Variants in ABHD17B observed in about 807,000 individuals in gnomAD.
ABHD17B encodes alpha/beta hydrolase domain-containing protein 17B.
ABHD17B carries 9 observed loss-of-function variants against 26.2 expected under a neutral mutation model. The ratio of observed to expected loss-of-function variants is 0.34; its 90% CI spans 0.21 to 0.60. The LOEUF is 0.60. Ranked by LOEUF, ABHD17B falls within the 20% of genes least tolerant of loss-of-function variation. The probability of loss-of-function intolerance (pLI) is 0.80; values close to 1 mark genes in which losing one functional copy is unlikely to be tolerated. For synonymous variants in ABHD17B, 127 were observed against 122.3 expected (o/e 1.04, Z -0.25); for missense variants, 224 against 352.1 (o/e 0.64, Z 2.91).
At chr9:71,905,667 A>T (rs371182435) in intron 1 of ABHD17B, among the ~76,000 whole-genome samples, 8 of 152,302 alleles carry the variant, frequency 5.3e-5, no homozygotes, top group Admixed American at 2.0e-4. Context: ...TTTGGCTACT[A>T]TAATGAATGA....
intron 1 of ABHD17B, among the ~76,000 whole-genome samples, chr9:71,904,636 T>C (rs1170388702): frequency 6.6e-6 from 1 of 152,136 alleles, no homozygotes; most frequent in Non-Finnish European, 1.5e-5. Context: ...TACTCACATT[T>C]GATGATGCTG....
chr9:71,906,281 TTC>T (rs745329013), intron 1 of ABHD17B, among the ~76,000 whole-genome samples: 34 of 152,328 alleles, frequency 2.2e-4, no homozygotes, highest in South Asian at 1.0e-3. Flanking sequence ...GCACTTTTAT[TTC>T]TGTTTAAACT....
intron 1 of ABHD17B, among the ~76,000 whole-genome samples, chr9:71,904,642 T>A (rs1564075266): frequency 2.0e-5 from 3 of 152,144 alleles, no homozygotes; most frequent in African/African-American, 7.2e-5. Flanking sequence ...CATTTGATGA[T>A]GCTGTAGTGG....
At chr9:71,879,349 G>A (rs547720725) in intron 1 of ABHD17B, among the ~76,000 whole-genome samples, 2 of 152,286 alleles carry the variant, frequency 1.3e-5, no homozygotes, top group East Asian at 3.9e-4. Flanking sequence ...ATATGAATAC[G>A]AAGAGGATTG....
intron 1 of ABHD17B, among the ~76,000 whole-genome samples, chr9:71,885,986 T>C (rs1459070015): frequency 2.6e-5 from 4 of 152,212 alleles, no homozygotes; most frequent in African/African-American, 9.6e-5. Context: ...TTTCTTCATT[T>C]TGTGTGATAT....
intron 1 of ABHD17B, among the ~76,000 whole-genome samples, chr9:71,877,383 C>CTA (rs1826308923): frequency 6.6e-6 from 1 of 152,206 alleles, no homozygotes; most frequent in South Asian, 2.1e-4. Flanking sequence ...CGTATCTAGA[C>CTA]TATAGTCCTA....
At chr9:71,870,619 G>A (rs74586159) in intron 2 of ABHD17B, among the ~76,000 whole-genome samples, 2 of 152,138 alleles carry the variant, frequency 1.3e-5, no homozygotes, top group Non-Finnish European at 2.9e-5. Context: ...GATGTTGAAT[G>A]AATAGGTCAT....
At chr9:71,879,180 A>C (rs560386792) in intron 1 of ABHD17B, among the ~76,000 whole-genome samples, 2 of 152,040 alleles carry the variant, frequency 1.3e-5, no homozygotes, top group East Asian at 3.9e-4. Flanking sequence ...AACAAACAAA[A>C]ACCCCCCAAA....
At chr9:71,890,989 A>AT (rs1280522966) in intron 1 of ABHD17B, among the ~76,000 whole-genome samples, 3 of 152,110 alleles carry the variant, frequency 2.0e-5, no homozygotes, top group African/African-American at 4.8e-5. Flanking sequence ...TTTTTGTAAG[A>AT]TTTTTTTGTT....
At chr9:71,862,626 A>G, downstream of ABHD17B, 1 of 1,030,682 alleles carries the variant, frequency 9.7e-7, no homozygotes, top group South Asian at 1.3e-5. Flanking sequence ...TAAAGGGATT[A>G]GGCTATATCA....
At chr9:71,879,683 C>G (rs1321723143) in intron 1 of ABHD17B, among the ~76,000 whole-genome samples, 1 of 152,194 alleles carries the variant, frequency 6.6e-6, no homozygotes, top group Non-Finnish European at 1.5e-5. Flanking sequence ...CAGCTGATTT[C>G]AGAAAAGGCT....
At chr9:71,900,447 C>T (rs1827098583) in intron 1 of ABHD17B, among the ~76,000 whole-genome samples, 1 of 151,240 alleles carries the variant, frequency 6.6e-6, no homozygotes, top group South Asian at 2.1e-4. Flanking sequence ...GACAGGAGTT[C>T]GAGACCAGCC....
chr9:71,895,785 T>C (rs1206500513), intron 1 of ABHD17B, among the ~76,000 whole-genome samples: 1 of 152,198 alleles, frequency 6.6e-6, no homozygotes, highest in Non-Finnish European at 1.5e-5. Flanking sequence ...CTAGGTACTA[T>C]TTAATCAATT....
In ABHD17B at chr9:71,865,228, AAG is replaced by A. The variant is rs1825920381; in HGVS notation, c.*1557_*1558del. On this transcript the variant is annotated 3_prime_UTR_variant, in exon 4 of 4. Transcript: ENST00000333421. ...CATTCACAATACTTGATATACTTTG[AAG>A]AGAGTCATATACTATAGTCTTAAAC... 1 of 985,460 alleles carries A rather than the reference AAG, an allele frequency of 1.0e-6. No individual in the cohort carries two copies. The highest frequency in any genetic ancestry group is 1.2e-6 in the Non-Finnish European group (1 of 829,832). 61.0% of individuals were successfully genotyped at this position (985,460 alleles called of 1,614,324 possible). A position where few individuals can be genotyped will look rare whatever the true frequency, so the allele number is the denominator to read the frequency against.
chr9:71,908,441 A>AACT lies in ABHD17B; in HGVS notation c.-4+2190_-4+2192dup, dbSNP rs1192033852. Among the ~76,000 whole-genome samples, 3 of 151,660 alleles carry AACT rather than the reference A, an allele frequency of 2.0e-5. No individual in the cohort carries two copies. The East Asian group carries it at 5.8e-4, about 29-fold the overall frequency. On this transcript the variant is annotated intron_variant, in intron 1 of 3. Coordinates refer to ENST00000333421, the MANE Select transcript of ABHD17B (RefSeq NM_001025780.3). ...CCACAAACTCACCTTCCCTCTCTCCAACTCACAAGGCTGGATTCGACAGGC... is the reference window on the plus strand; with the variant it reads ...CCACAAACTCACCTTCCCTCTCTCCAACTACTCACAAGGCTGGATTCGACAGGC...
chr9:71,896,349 A>G (rs1826954075), intron 1 of ABHD17B, among the ~76,000 whole-genome samples: 1 of 152,200 alleles, frequency 6.6e-6, no homozygotes, highest in Non-Finnish European at 1.5e-5. Flanking sequence ...CAAATGTAGT[A>G]GCAGACTTCT....
chr9:71,886,181 C>G (rs2132168092), intron 1 of ABHD17B, among the ~76,000 whole-genome samples: 1 of 152,232 alleles, frequency 6.6e-6, no homozygotes, highest in South Asian at 2.1e-4. Flanking sequence ...ATGTGAAACT[C>G]TAAGCTCTGA....
chr9:71,891,232 T>A (rs1331203047), intron 1 of ABHD17B, among the ~76,000 whole-genome samples: 1 of 152,206 alleles, frequency 6.6e-6, no homozygotes, highest in Non-Finnish European at 1.5e-5. Flanking sequence ...GTGATTCTCA[T>A]CTCTCAAAAA....
In ABHD17B at chr9:71,874,658, G is replaced by A. The variant is rs1423423369; in HGVS notation, c.423C>T (p.Asn141=). ...GASSGKPTEK[N]LYADIEAAWL... Reference sequence around the variant, plus strand: ...AAGCAGCTTCAATGTCTGCATAGAGGTTCTTCTCTGTGGGTTTCCCGGAAC... The same window carrying A: ...AAGCAGCTTCAATGTCTGCATAGAGATTCTTCTCTGTGGGTTTCCCGGAAC... Residue 141 remains asparagine, a synonymous_variant, in exon 2 of 4, where the codon AAC becomes AAT. Coordinates refer to ENST00000333421, the MANE Select transcript of ABHD17B (RefSeq NM_001025780.3). 6.2e-7 allele frequency: 1 copy of A among 1,611,646 alleles called. No individual in the cohort carries two copies. The highest frequency in any genetic ancestry group is 8.5e-7 in the Non-Finnish European group (1 of 1,178,760).
Sources: allele counts gnomAD v4.1 joint callset (sites outside exome capture counted in the v4.1 genomes callset), GRCh38; gene constraint gnomAD v4.1.1; transcripts MANE v1.5; gene names NCBI Gene and HGNC (gene_info 2026-07-23, HGNC 2026-07-21).